The following NELL1 variants were observed in gnomAD, a reference collection of about 807,000 sequenced individuals.
The protein encoded by NELL1 is protein kinase C-binding protein NELL1.
A neutral mutation model predicts 107.4 loss-of-function variants in NELL1; 76 were observed. The ratio of observed to expected loss-of-function variants is 0.71; its 90% CI spans 0.59 to 0.86. The LOEUF (loss-of-function observed/expected upper bound fraction) is 0.86. Among genes scored for constraint, NELL1 ranks in the 40% least tolerant of loss-of-function variants. The probability of loss-of-function intolerance (pLI) is 0.00; values close to 1 mark genes in which losing one functional copy is unlikely to be tolerated. For synonymous variants in NELL1, 353 were observed against 341.2 expected (o/e 1.03, Z -0.38); for missense variants, 1,024 against 1,005.5 (o/e 1.02, Z -0.25).
At chr11:20,887,887 G>A (rs1255681205) in intron 5 of NELL1, among the ~76,000 whole-genome samples, 7 of 152,094 alleles carry the variant, frequency 4.6e-5, no homozygotes, top group South Asian at 4.1e-4. Context: ...AAGCCATCAC[G>A]AATGACAGTG....
At chr11:20,676,799 A>C (rs1356644309) in intron 1 of NELL1, among the ~76,000 whole-genome samples, 1 of 152,236 alleles carries the variant, frequency 6.6e-6, no homozygotes, top group Non-Finnish European at 1.5e-5. Context: ...ATCTTGTCTC[A>C]GTGACTGCAT....
intron 12 of NELL1, among the ~76,000 whole-genome samples, chr11:20,994,946 A>G (rs1445972358): frequency 6.6e-6 from 1 of 152,180 alleles, no homozygotes; most frequent in African/African-American, 2.4e-5. Flanking sequence ...CATGTTAGAC[A>G]TGGATTTTAG....
intron 15 of NELL1, among the ~76,000 whole-genome samples, chr11:21,496,023 A>C (rs1854968385): frequency 6.6e-6 from 1 of 152,054 alleles, no homozygotes; most frequent in Non-Finnish European, 1.5e-5. Flanking sequence ...AAAATGTGTA[A>C]GTTATATTAA....
At chr11:21,434,258 T>C (rs1853045602) in intron 15 of NELL1, among the ~76,000 whole-genome samples, 1 of 152,178 alleles carries the variant, frequency 6.6e-6, no homozygotes, top group Admixed American at 6.5e-5. Context: ...ACCCATAAAA[T>C]CTGTACCAAG....
At chr11:20,825,399 C>G (rs1027234640) in intron 3 of NELL1, among the ~76,000 whole-genome samples, 1 of 151,256 alleles carries the variant, frequency 6.6e-6, no homozygotes, top group Admixed American at 6.6e-5. Context: ...TCAATGCCTG[C>G]CCATTAAAGC....
At chr11:20,924,984 T>C (rs1405387585) in intron 7 of NELL1, among the ~76,000 whole-genome samples, 2 of 152,200 alleles carry the variant, frequency 1.3e-5, no homozygotes, top group African/African-American at 4.8e-5. Context: ...ATTGAATCCA[T>C]GTGAATGAAT....
chr11:21,573,627 C>T (rs907181423), intron 19 of NELL1, among the ~76,000 whole-genome samples: 3 of 151,804 alleles, frequency 2.0e-5, no homozygotes, highest in African/African-American at 7.3e-5. Flanking sequence ...AAAAGAATTG[C>T]TCCTGCCTTT....
chr11:21,071,746 T>G lies in NELL1; in HGVS notation c.1301-41843T>G, dbSNP rs77150501. ...GGTTCATGGATGCAGACATCAGGAA[T>G]CAAAGCTCGGCTCTAAGAGGGGAGA... On this transcript the variant is annotated intron_variant, in intron 12 of 19. Transcript: ENST00000357134. 6.5e-3 allele frequency among the ~76,000 whole-genome samples: 996 copies of G among 152,314 alleles called. 12 individuals are homozygous for G. Among genetic ancestry groups the G allele is most frequent in the African/African-American group, 0.023 (961 of 41,576 alleles).
chr11:20,985,282 A>G (rs1332106367), intron 12 of NELL1, among the ~76,000 whole-genome samples: 1 of 152,220 alleles, frequency 6.6e-6, no homozygotes, highest in African/African-American at 2.4e-5. Context: ...ATGGCTAGCT[A>G]GAAAGATAAA....
At chr11:21,146,893 A>C (rs962239533) in intron 13 of NELL1, among the ~76,000 whole-genome samples, 5 of 152,036 alleles carry the variant, frequency 3.3e-5, no homozygotes, top group African/African-American at 1.2e-4. Flanking sequence ...AAAATACAAA[A>C]ATTAGCTGTG....
intron 14 of NELL1, among the ~76,000 whole-genome samples, chr11:21,288,388 A>T (rs1187330634): frequency 1.3e-5 from 2 of 152,192 alleles, no homozygotes; most frequent in Non-Finnish European, 2.9e-5. Flanking sequence ...AGCCTTTATC[A>T]GTTTACTGTG....
At chr11:20,983,476 AC>A (rs1269554354) in intron 12 of NELL1, among the ~76,000 whole-genome samples, 8 of 152,272 alleles carry the variant, frequency 5.3e-5, no homozygotes, top group African/African-American at 1.9e-4. Context: ...TCTGCCCTGA[AC>A]ACCTGCTCTT....
chr11:21,170,385 C>T (rs2133811316), intron 13 of NELL1, among the ~76,000 whole-genome samples: 1 of 151,746 alleles, frequency 6.6e-6, no homozygotes, highest in Middle Eastern at 3.4e-3. Flanking sequence ...GACAGAGATA[C>T]AGGGACACAC....
In NELL1 at chr11:21,064,206, C is replaced by T. The variant is rs1853813106; in HGVS notation, c.1301-49383C>T. On this transcript the variant is annotated intron_variant, in intron 12 of 19. Transcript: ENST00000357134. ...AGCAAGGGGCCAGATGGTGTAGGGACTCATAGGCCATTGTGTAGTCTTTGA... is the reference window on the plus strand; with the variant it reads ...AGCAAGGGGCCAGATGGTGTAGGGATTCATAGGCCATTGTGTAGTCTTTGA... Among the ~76,000 whole-genome samples, 10 of 152,144 alleles carry T rather than the reference C, an allele frequency of 6.6e-5. 1 individual carries two copies. The South Asian group carries it at 2.1e-3, about 32-fold the overall frequency.
intron 13 of NELL1, among the ~76,000 whole-genome samples, chr11:21,121,383 C>T (rs1384809459): frequency 6.6e-6 from 1 of 152,158 alleles, no homozygotes; most frequent in Non-Finnish European, 1.5e-5. Flanking sequence ...GCTGGATAGA[C>T]AATGACTGTG....
At chr11:20,835,797 T>C (rs1848524599) in intron 3 of NELL1, among the ~76,000 whole-genome samples, 1 of 152,244 alleles carries the variant, frequency 6.6e-6, no homozygotes, top group South Asian at 2.1e-4. Flanking sequence ...TTATGTACTT[T>C]ACTGTAAAAT....
intron 13 of NELL1, among the ~76,000 whole-genome samples, chr11:21,126,658 C>A (rs1344874920): frequency 6.6e-6 from 1 of 152,164 alleles, no homozygotes; most frequent in Non-Finnish European, 1.5e-5. Context: ...CACCATATTT[C>A]CTTTTTCTCC....
At chr11:21,392,880 C>T (rs1851909187) in intron 15 of NELL1, among the ~76,000 whole-genome samples, 1 of 151,808 alleles carries the variant, frequency 6.6e-6, no homozygotes, top group East Asian at 2.0e-4. Context: ...ATTTCAAAGA[C>T]CAATAGAGCA....
intron 13 of NELL1, among the ~76,000 whole-genome samples, chr11:21,142,908 T>A (rs1855899008): frequency 6.6e-6 from 1 of 152,226 alleles, no homozygotes; most frequent in Non-Finnish European, 1.5e-5. Flanking sequence ...AGACGCACGG[T>A]ATGGCACAAT....
Sources: gnomAD v4.1 joint callset for allele counts (sites outside exome capture counted in the v4.1 genomes callset) on GRCh38, gnomAD v4.1.1 for gene constraint, MANE v1.5 for transcripts, NCBI Gene and HGNC (gene_info 2026-07-23, HGNC 2026-07-21) for gene names.